NPAS3: variants seen among roughly 807,000 people sequenced by gnomAD.
NPAS3 encodes neuronal PAS domain protein 3.
In NPAS3, 14 loss-of-function variants were observed where a neutral mutation model predicts 73.1. The observed-to-expected ratio is 0.19, with a 90% CI of 0.13 to 0.30. The LOEUF (loss-of-function observed/expected upper bound fraction) is 0.30, where lower values mean the gene tolerates loss of function less well. NPAS3 is among the 10% of genes least tolerant of loss of function. NPAS3 has a pLI of 1.00. For synonymous variants in NPAS3, 620 were observed against 541.5 expected, an observed-to-expected ratio of 1.14 and a Z score of -2.01; for missense variants, 1,096 against 1,250.0, an observed-to-expected ratio of 0.88 and a Z score of 1.86.
intron 7 of NPAS3, among the ~76,000 whole-genome samples, chr14:33,738,870 C>T (rs991408765): frequency 1.1e-4 from 16 of 152,144 alleles, no homozygotes; most frequent in African/African-American, 3.6e-4. Context: ...TCTGGGGGAA[C>T]TTGCTAGGTA....
At chr14:33,788,946 T>C (rs1454955659) in intron 9 of NPAS3, among the ~76,000 whole-genome samples, 1 of 130,812 alleles carries the variant, frequency 7.6e-6, no homozygotes, top group Non-Finnish European at 1.6e-5. Flanking sequence ...TTTAAAAAGA[T>C]ATTCAATAAA....
At chr14:33,636,574 A>G (rs2058522838) in intron 5 of NPAS3, among the ~76,000 whole-genome samples, 1 of 152,164 alleles carries the variant, frequency 6.6e-6, no homozygotes, top group Non-Finnish European at 1.5e-5. Context: ...ATGTGGCAGC[A>G]TGGGAGAGTT....
chr14:33,472,701 T>G (rs1273500020), intron 4 of NPAS3, among the ~76,000 whole-genome samples: 6 of 150,338 alleles, frequency 4.0e-5, no homozygotes, highest in Non-Finnish European at 8.8e-5. Flanking sequence ...ACTCCAGTGT[T>G]TTTGTCCTCA....
chr14:33,591,965 C>T (rs28366413), intron 5 of NPAS3, among the ~76,000 whole-genome samples: 6,272 of 152,272 alleles, frequency 0.041, 279 homozygotes, highest in African/African-American at 0.11. Context: ...GGTACCTTGT[C>T]GCTTGTTTTA....
At chr14:33,459,006 A>G (rs531305420) in intron 4 of NPAS3, among the ~76,000 whole-genome samples, 65 of 152,320 alleles carry the variant, frequency 4.3e-4, no homozygotes, top group Non-Finnish European at 9.0e-4. Flanking sequence ...GCCCATTTTT[A>G]TGGTTGTTTC....
intron 9 of NPAS3, among the ~76,000 whole-genome samples, chr14:33,791,584 C>T (rs907685584): frequency 6.6e-6 from 1 of 152,168 alleles, no homozygotes; most frequent in African/African-American, 2.4e-5. Flanking sequence ...CTGGGGAGGC[C>T]AAACGTTTGG....
intron 3 of NPAS3, among the ~76,000 whole-genome samples, chr14:33,248,683 A>G (rs2048474054): frequency 6.6e-6 from 1 of 152,222 alleles, no homozygotes; most frequent in Admixed American, 6.5e-5. Context: ...AGTAATAAAT[A>G]AAACTTATTT....
At chr14:33,301,639 T>C (rs1188705139) in intron 3 of NPAS3, among the ~76,000 whole-genome samples, 1 of 152,122 alleles carries the variant, frequency 6.6e-6, no homozygotes, top group Non-Finnish European at 1.5e-5. Context: ...AAAAAGTGTA[T>C]ATGCTTTTGT....
chr14:33,637,784 A>AT (rs1004700627), intron 5 of NPAS3, among the ~76,000 whole-genome samples: 12 of 152,280 alleles, frequency 7.9e-5, no homozygotes, highest in African/African-American at 2.6e-4. Context: ...ATTACCATGT[A>AT]TTTTTTATAA....
At chr14:33,756,086 C>T (rs1462847722) in intron 7 of NPAS3, among the ~76,000 whole-genome samples, 1 of 152,130 alleles carries the variant, frequency 6.6e-6, no homozygotes, top group South Asian at 2.1e-4. Context: ...TTGGTGAGGG[C>T]AAATACCCAA....
intron 3 of NPAS3, among the ~76,000 whole-genome samples, chr14:33,273,554 A>G (rs939436641): frequency 6.6e-6 from 1 of 152,200 alleles, no homozygotes; most frequent in South Asian, 2.1e-4. Context: ...TTCATTTCTC[A>G]TCTGGCCCTT....
rs1305102604 is a variant in NPAS3, at chr14:33,236,015, A to G, written c.385+20589A>G. On this transcript the variant is annotated intron_variant, in intron 3 of 11. Coordinates refer to ENST00000356141, the Ensembl canonical transcript of NPAS3. ...CAATGTTGCCCAGGCTGGTCACAAC[A>G]TGATACAATTCTGAGAGAGAGTTAG... Among the ~76,000 whole-genome samples, 6 of 151,832 alleles carry G rather than the reference A, an allele frequency of 4.0e-5. No individual in the cohort carries two copies. In the East Asian group the frequency reaches 1.2e-3, roughly 29 times the overall value.
intron 3 of NPAS3, among the ~76,000 whole-genome samples, chr14:33,275,039 T>C (rs1052103086): frequency 2.0e-5 from 3 of 152,214 alleles, no homozygotes; most frequent in Non-Finnish European, 4.4e-5. Flanking sequence ...CTTGCTTCTC[T>C]GAATTTACAA....
intron 3 of NPAS3, among the ~76,000 whole-genome samples, chr14:33,333,017 C>T (rs941739274): frequency 4.6e-5 from 7 of 152,148 alleles, no homozygotes; most frequent in Admixed American, 1.3e-4. Context: ...GCAAAATGTA[C>T]AGATTTGGGC....
chr14:32,957,141 A>G (rs553565109), intron 1 of NPAS3, among the ~76,000 whole-genome samples: 1 of 152,270 alleles, frequency 6.6e-6, no homozygotes, highest in African/African-American at 2.4e-5. Flanking sequence ...CTTTTTTCTG[A>G]AAAACATATG....
intron 5 of NPAS3, among the ~76,000 whole-genome samples, chr14:33,574,707 G>T (rs1400626467): frequency 6.6e-6 from 1 of 152,168 alleles, no homozygotes; most frequent in African/African-American, 2.4e-5. Context: ...TATATTTAAA[G>T]ACTCAAGAGA....
chr14:33,084,074 A>C (rs564413404), intron 2 of NPAS3, among the ~76,000 whole-genome samples: 1 of 152,204 alleles, frequency 6.6e-6, no homozygotes, highest in Non-Finnish European at 1.5e-5. Context: ...ACTTTAGTAA[A>C]AGTATATCAA....
chr14:33,330,218 G>A (rs2043920832), intron 3 of NPAS3, among the ~76,000 whole-genome samples: 1 of 152,156 alleles, frequency 6.6e-6, no homozygotes, highest in South Asian at 2.1e-4. Context: ...ACTCCAGCCT[G>A]GGTGACAGAG....
Position 33,176,805 on chromosome 14 carries a change from A to G in NPAS3, c.141-38377A>G, listed in dbSNP as rs116505318. On this transcript the variant is annotated intron_variant, in intron 2 of 11. Transcript: ENST00000356141. ...TTGAAGAACCACAAAATTATTTTTC[A>G]TAGGAGTTGTATTATTTTATATTTC... Among the ~76,000 whole-genome samples, 774 of 152,222 alleles carry G rather than the reference A, an allele frequency of 5.1e-3. 5 individuals carry two copies. The highest frequency in any genetic ancestry group is 0.017 in the African/African-American group (720 of 41,546).
Sources: allele counts gnomAD v4.1 joint callset (sites outside exome capture counted in the v4.1 genomes callset), GRCh38; gene constraint gnomAD v4.1.1; transcripts MANE v1.5; gene names NCBI Gene and HGNC (gene_info 2026-07-23, HGNC 2026-07-21).